CEP126: variants seen among roughly 807,000 people sequenced by gnomAD.
CEP126 encodes the protein centrosomal protein 126.
A neutral mutation model predicts 107.8 loss-of-function variants in CEP126; 74 were observed. That is an observed-to-expected ratio of 0.69 (90% CI 0.57 to 0.83). The LOEUF (loss-of-function observed/expected upper bound fraction) is 0.83, where lower values mean the gene tolerates loss of function less well. Among genes scored for constraint, CEP126 ranks in the 40% least tolerant of loss-of-function variants. The pLI is 0.00. For missense variants in CEP126, 1,237 were observed against 1,281.9 expected (o/e 0.96, Z 0.53); for synonymous variants, 449 against 446.0 (o/e 1.01, Z -0.08).
At chr11:101,928,293 T>C (rs780230202) in intron 2 of CEP126, among the ~76,000 whole-genome samples, 7 of 152,194 alleles carry the variant, frequency 4.6e-5, no homozygotes, top group Admixed American at 2.6e-4. Flanking sequence ...TTTGTAAACA[T>C]TTTCTCCTAC....
chr11:101,952,154 G>T (rs1363599222), intron 4 of CEP126, among the ~76,000 whole-genome samples: 1 of 152,186 alleles, frequency 6.6e-6, no homozygotes, highest in Non-Finnish European at 1.5e-5. Context: ...ATATTAGCAT[G>T]TGAGAAGGCA....
intron 2 of CEP126, among the ~76,000 whole-genome samples, chr11:101,941,764 A>C (rs939437714): frequency 6.6e-6 from 1 of 152,168 alleles, no homozygotes; most frequent in Admixed American, 6.6e-5. Flanking sequence ...CCAGCAATGC[A>C]TAAGAGTTCC....
intron 6 of CEP126, among the ~76,000 whole-genome samples, chr11:101,975,223 A>G (rs555677845): frequency 2.0e-5 from 3 of 152,304 alleles, no homozygotes; most frequent in South Asian, 4.1e-4. Context: ...ACTGTGGGAC[A>G]TGACTCGTTC....
chr11:101,962,289 C>A lies in CEP126; in HGVS notation c.1254C>A (p.Ser418Arg), dbSNP rs138616617. 166 of 1,613,476 alleles carry A rather than the reference C, an allele frequency of 1.0e-4. No individual in the cohort carries two copies. The African/African-American group carries it at 1.7e-3, about 16-fold the overall frequency. Residue 418 changes from serine to arginine, a missense_variant, in exon 6 of 11, where the codon AGC becomes AGA. This residue lies in a region of CEP126 where 1,134 missense variants were observed against 1,150.5 expected (regional missense o/e 0.99). Transcript: ENST00000263468. ...CTGAGAGCCCAACATTTAAATTTAGCAAATCCCAAAGCACTTCAGATTCTC... is the reference window on the plus strand; with the variant it reads ...CTGAGAGCCCAACATTTAAATTTAGAAAATCCCAAAGCACTTCAGATTCTC... ...LVTESPTFKF[S>R]KSQSTSDSLT...
chr11:101,916,501 G>C (rs1057376830), intron 1 of CEP126: 1 of 152,122 alleles, frequency 6.6e-6, no homozygotes, highest in African/African-American at 2.4e-5. Flanking sequence ...GCTTGCAATA[G>C]CTGCTTCTAG....
intron 2 of CEP126, among the ~76,000 whole-genome samples, chr11:101,941,932 T>C (rs2137094225): frequency 6.6e-6 from 1 of 152,260 alleles, no homozygotes; most frequent in African/African-American, 2.4e-5. Flanking sequence ...TGTGTTTATT[T>C]GTATTTGTAT....
intron 2 of CEP126, among the ~76,000 whole-genome samples, chr11:101,942,204 A>G (rs780643059): frequency 6.6e-6 from 1 of 152,076 alleles, no homozygotes; most frequent in African/African-American, 2.4e-5. Context: ...ATTATTGTCA[A>G]ACTCAATGTC....
At chr11:101,981,645 G>T (rs1941255626) in intron 7 of CEP126, among the ~76,000 whole-genome samples, 1 of 151,794 alleles carries the variant, frequency 6.6e-6, no homozygotes, top group African/African-American at 2.4e-5. Flanking sequence ...CAAATATCCA[G>T]GACAATATCA....
intron 1 of CEP126, among the ~76,000 whole-genome samples, chr11:101,921,807 T>A (rs1164759837): frequency 2.6e-5 from 3 of 115,662 alleles, no homozygotes; most frequent in Non-Finnish European, 5.3e-5. Flanking sequence ...TTTTTTGAGA[T>A]GGAGTTTCGC....
intron 4 of CEP126, 87 bp downstream of exon 4, chr11:101,948,229 A>G (rs1940765443): frequency 1.5e-6 from 1 of 673,302 alleles, no homozygotes; most frequent in Non-Finnish European, 2.5e-6. Context: ...TTCATCAGCT[A>G]CTCCTCATCT....
At chr11:101,934,819 C>G (rs920312298) in intron 2 of CEP126, among the ~76,000 whole-genome samples, 1 of 151,930 alleles carries the variant, frequency 6.6e-6, no homozygotes, top group Admixed American at 6.6e-5. Context: ...AAGCTGCTGG[C>G]GGAAAGATAA....
chr11:101,984,992 C>G (rs1401877827), intron 8 of CEP126, among the ~76,000 whole-genome samples: 1 of 152,186 alleles, frequency 6.6e-6, no homozygotes, highest in Non-Finnish European at 1.5e-5. Flanking sequence ...TTGCCCTGAA[C>G]ACATTATTTT....
intron 8 of CEP126, among the ~76,000 whole-genome samples, chr11:101,982,729 ATCT>A (rs1002062437): frequency 5.3e-5 from 8 of 152,326 alleles, no homozygotes; most frequent in African/African-American, 1.9e-4. Context: ...TTGAGAGCTA[ATCT>A]TCTGCTTACA....
chr11:101,923,715 C>T (rs545072253), intron 2 of CEP126, among the ~76,000 whole-genome samples: 4 of 152,172 alleles, frequency 2.6e-5, no homozygotes, highest in South Asian at 4.2e-4. Flanking sequence ...CATCTATAAA[C>T]GGCGTGTGAC....
chr11:101,966,992 A>G (rs1591287335), intron 6 of CEP126, among the ~76,000 whole-genome samples: 1 of 119,480 alleles, frequency 8.4e-6, no homozygotes, highest in African/African-American at 3.2e-5. Context: ...TATTTTCTCT[A>G]CTTTCTCATT....
At chr11:101,996,964 T>C (rs1345178555) in intron 10 of CEP126, among the ~76,000 whole-genome samples, 1 of 152,190 alleles carries the variant, frequency 6.6e-6, no homozygotes, top group Non-Finnish European at 1.5e-5. Flanking sequence ...TAGAAGAAAA[T>C]TTTAAATAAA....
intron 6 of CEP126, among the ~76,000 whole-genome samples, chr11:101,964,156 A>T (rs1211380741): frequency 1.3e-5 from 2 of 151,796 alleles, no homozygotes; most frequent in African/African-American, 2.4e-5. Flanking sequence ...TAGAAAAGTT[A>T]GCCCGGCATG....
chr11:101,989,200 G>A (rs868101352), intron 9 of CEP126, among the ~76,000 whole-genome samples: 1 of 151,846 alleles, frequency 6.6e-6, no homozygotes, highest in African/African-American at 2.4e-5. Context: ...AATAAATCAT[G>A]ATTCTGAAGA....
At chr11:101,984,783 T>G (rs1384854065) in intron 8 of CEP126, among the ~76,000 whole-genome samples, 2 of 152,242 alleles carry the variant, frequency 1.3e-5, no homozygotes, top group African/African-American at 2.4e-5. Context: ...GAATATTTCC[T>G]CATCCCTAGA....
Sources: allele counts gnomAD v4.1 joint callset (sites outside exome capture counted in the v4.1 genomes callset), GRCh38; gene constraint gnomAD v4.1.1; regional missense constraint gnomAD v4.1.1; transcripts MANE v1.5; gene names NCBI Gene and HGNC (gene_info 2026-07-23, HGNC 2026-07-21).